CALCRL: variants seen among roughly 807,000 people sequenced by gnomAD.
CALCRL encodes the protein calcitonin receptor like receptor.
Under a neutral mutation model 60.4 loss-of-function variants are expected in CALCRL, and 27 were observed. The observed-to-expected ratio is 0.45, with a 90% CI of 0.33 to 0.62. The LOEUF (loss-of-function observed/expected upper bound fraction) is 0.62. Among genes scored for constraint, CALCRL ranks in the 20% least tolerant of loss-of-function variants. CALCRL has a pLI of 0.03. For missense variants in CALCRL, 424 were observed against 540.7 expected (o/e 0.78, Z 2.14); for synonymous variants, 190 against 182.6 (o/e 1.04, Z -0.33).
chr2:187,390,657 T>C (rs1688398084), intron 1 of CALCRL, among the ~76,000 whole-genome samples: 1 of 152,164 alleles, frequency 6.6e-6, no homozygotes. Flanking sequence ...ACTCACAAAA[T>C]ATTTATTAAT....
At chr2:187,447,203 G>A (rs527663802) in intron 1 of CALCRL, among the ~76,000 whole-genome samples, 23 of 151,872 alleles carry the variant, frequency 1.5e-4, no homozygotes, top group South Asian at 6.2e-4. Flanking sequence ...TTGTTTAATC[G>A]TCTAATATAC....
chr2:187,356,021 A>G (rs1175972517), intron 12 of CALCRL, among the ~76,000 whole-genome samples: 1 of 152,152 alleles, frequency 6.6e-6, no homozygotes, highest in Non-Finnish European at 1.5e-5. Flanking sequence ...AAATGAAAAA[A>G]CATTCCATGC....
chr2:187,421,035 C>T (rs529548643), intron 1 of CALCRL, among the ~76,000 whole-genome samples: 3 of 152,266 alleles, frequency 2.0e-5, no homozygotes, highest in Non-Finnish European at 2.9e-5. Flanking sequence ...TAGATTAATC[C>T]TTATGGTTAC....
chr2:187,372,242 G>C (rs1314375175), intron 8 of CALCRL, among the ~76,000 whole-genome samples: 5 of 151,768 alleles, frequency 3.3e-5, no homozygotes, highest in Non-Finnish European at 7.4e-5. Context: ...CTTTTGTCTA[G>C]GTTGTGAGAT....
chr2:187,407,214 A>T (rs1689176471), intron 1 of CALCRL, among the ~76,000 whole-genome samples: 1 of 152,116 alleles, frequency 6.6e-6, no homozygotes, highest in African/African-American at 2.4e-5. Context: ...TAATCTTCAT[A>T]AAGTTTTTTA....
chr2:187,414,433 G>T (rs1333817356), intron 1 of CALCRL, among the ~76,000 whole-genome samples: 2 of 152,016 alleles, frequency 1.3e-5, no homozygotes, highest in African/African-American at 2.4e-5. Context: ...TCACTCACAC[G>T]TCTTAATGTA....
chr2:187,350,110 A>G (rs969005689), intron 14 of CALCRL, among the ~76,000 whole-genome samples: 2 of 151,662 alleles, frequency 1.3e-5, no homozygotes, highest in Admixed American at 1.3e-4. Flanking sequence ...TGGTGATTAA[A>G]TGCATTGCTG....
At chr2:187,350,232 A>G (rs775359085) in intron 14 of CALCRL, among the ~76,000 whole-genome samples, 1 of 151,632 alleles carries the variant, frequency 6.6e-6, no homozygotes, top group Non-Finnish European at 1.5e-5. Context: ...ACAGAGGTCT[A>G]CCTTTCCTAT....
At chr2:187,440,341 A>G (rs566294578) in intron 1 of CALCRL, among the ~76,000 whole-genome samples, 1 of 152,284 alleles carries the variant, frequency 6.6e-6, no homozygotes, top group African/African-American at 2.4e-5. Context: ...AACTATTTTG[A>G]GTAATTAGGG....
At chr2:187,380,014 G>C (rs1439372118) in intron 7 of CALCRL, among the ~76,000 whole-genome samples, 4 of 152,156 alleles carry the variant, frequency 2.6e-5, no homozygotes, top group African/African-American at 7.2e-5. Flanking sequence ...AGTGTTTAAG[G>C]ATGCGATAGT....
chr2:187,442,594 T>C (rs970201674), intron 1 of CALCRL, among the ~76,000 whole-genome samples: 3 of 151,784 alleles, frequency 2.0e-5, no homozygotes, highest in African/African-American at 7.2e-5. Flanking sequence ...TAAGTTCCTA[T>C]AATAAGAACT....
At chr2:187,404,849 C>A (rs917115759) in intron 1 of CALCRL, among the ~76,000 whole-genome samples, 1 of 151,718 alleles carries the variant, frequency 6.6e-6, no homozygotes, top group Admixed American at 6.6e-5. Flanking sequence ...CTTTAGACAG[C>A]AGATAACAAC....
At chr2:187,402,934 C>T (rs1056072130) in intron 1 of CALCRL, among the ~76,000 whole-genome samples, 5 of 151,300 alleles carry the variant, frequency 3.3e-5, no homozygotes, top group Non-Finnish European at 7.4e-5. Flanking sequence ...TGGGTTTAGA[C>T]GAAGTGATGG....
chr2:187,442,427 T>A (rs1227436692), intron 1 of CALCRL, among the ~76,000 whole-genome samples: 1 of 151,754 alleles, frequency 6.6e-6, no homozygotes, highest in Non-Finnish European at 1.5e-5. Flanking sequence ...ATGTGGGTCT[T>A]AATTTATAAA....
At chr2:187,407,500 T>C (rs1163885565) in intron 1 of CALCRL, among the ~76,000 whole-genome samples, 1 of 152,072 alleles carries the variant, frequency 6.6e-6, no homozygotes, top group Non-Finnish European at 1.5e-5. Context: ...AATGGGAACA[T>C]TGTAAACAAT....
chr2:187,396,177 CA>C (rs199696572), intron 1 of CALCRL, among the ~76,000 whole-genome samples: 7,420 of 92,422 alleles, frequency 0.08, 322 homozygotes, highest in East Asian at 0.34. Context: ...ATATCTAGGC[CA>C]AAAAAAATAA....
chr2:187,383,340 T>C, intron 4 of CALCRL, 35 bp from the exon 5 acceptor site: 1 of 1,555,570 alleles, frequency 6.4e-7, no homozygotes, highest in Non-Finnish European at 8.7e-7. Flanking sequence ...ATCAACTTCA[T>C]GAAAAGGATT....
intron 8 of CALCRL, among the ~76,000 whole-genome samples, chr2:187,367,630 G>A (rs1414143857): frequency 6.6e-6 from 1 of 151,946 alleles, no homozygotes; most frequent in African/African-American, 2.4e-5. Flanking sequence ...ATATTAACCT[G>A]TAACCAATTT....
At position 187,442,311 on chromosome 2, in the gene CALCRL, A is replaced by G. The variant is rs537234676; in HGVS notation, c.-293+5728T>C. ...AGAACTCTTAACATAGCTAACAAAA[A>G]GGAGATCCTATGAAACTCATGCAAC... On this transcript the variant is annotated intron_variant, in intron 1 of 14. Transcript: ENST00000392370. Among the ~76,000 whole-genome samples, 10 of 151,338 alleles carry G rather than the reference A, an allele frequency of 6.6e-5. No individual in the cohort carries two copies. The East Asian group carries it at 1.9e-3, about 29-fold the overall frequency.
Sources: gnomAD v4.1 joint callset for allele counts (sites outside exome capture counted in the v4.1 genomes callset) on GRCh38, gnomAD v4.1.1 for gene constraint, MANE v1.5 for transcripts, NCBI Gene and HGNC (gene_info 2026-07-23, HGNC 2026-07-21) for gene names.